Variants in ITPR1 observed in about 807,000 individuals in gnomAD.
ITPR1 encodes the protein inositol 1,4,5-trisphosphate-gated calcium channel ITPR1.
ITPR1 carries 96 observed loss-of-function variants against 318.4 expected under a neutral mutation model. The observed-to-expected ratio is 0.30, with a 90% CI of 0.26 to 0.36. The LOEUF (loss-of-function observed/expected upper bound fraction) is 0.36, where lower values mean the gene tolerates loss of function less well. ITPR1 is among the 10% of genes least tolerant of loss of function. The pLI is 1.00. For missense variants in ITPR1, 2,440 were observed against 3,460.2 expected, an observed-to-expected ratio of 0.71 and a Z score of 7.40; for synonymous variants, 1,312 against 1,289.9, an observed-to-expected ratio of 1.02 and a Z score of -0.37.
intron 60 of ITPR1, chr3:4,830,855 C>T: frequency 4.5e-6 from 2 of 446,066 alleles, no homozygotes; most frequent in Non-Finnish European, 9.0e-6. Context: ...GCCCTCAAGC[C>T]CCCCTCACCC....
At chr3:4,664,580 T>G (rs2093906538) in intron 16 of ITPR1, among the ~76,000 whole-genome samples, 2 of 152,240 alleles carry the variant, frequency 1.3e-5, no homozygotes, top group Non-Finnish European at 2.9e-5. Flanking sequence ...CCAGCTGTTG[T>G]TTCATGTGAT....
At chr3:4,780,467 C>G (rs2046754917) in intron 49 of ITPR1, among the ~76,000 whole-genome samples, 1 of 152,134 alleles carries the variant, frequency 6.6e-6, no homozygotes, top group South Asian at 2.1e-4. Flanking sequence ...GAGAGTGTTG[C>G]AGGCTGTGAG....
chr3:4,807,773 A>C (rs1467002709), intron 55 of ITPR1, among the ~76,000 whole-genome samples: 3 of 152,152 alleles, frequency 2.0e-5, no homozygotes, highest in African/African-American at 7.2e-5. Flanking sequence ...TATGTCGCCT[A>C]TTTTGGTCAC....
intron 5 of ITPR1, 100 bp from the exon 6 acceptor site, chr3:4,639,284 G>T (rs1036212900): frequency 1.1e-6 from 1 of 876,540 alleles, no homozygotes; most frequent in Non-Finnish European, 1.8e-6. Flanking sequence ...GCGTATTTCG[G>T]TGGTTCTTGT....
intron 10 of ITPR1, among the ~76,000 whole-genome samples, chr3:4,647,420 G>C (rs1480020674): frequency 2.6e-5 from 4 of 152,262 alleles, no homozygotes; most frequent in African/African-American, 9.6e-5. Flanking sequence ...TAAATACCTA[G>C]CAGTGGATTG....
chr3:4,683,755 C>T lies in ITPR1; in HGVS notation c.3455C>T (p.Thr1152Ile). ...TACAAAGGGCAGGGCCCCGATGAGA[C>T]TATGGATGGTGCATCTGGAGAAAAT... ...WVYKGQGPDE[T>I]MDGASGENEH... Residue 1152 changes from threonine (T) to isoleucine (I), a missense_variant, in exon 28 of 62, where the codon ACT becomes ATT. Physicochemically the swap from Thr to Ile is moderately conservative, Grantham distance 89. This residue lies in a region of ITPR1 where 86 missense variants were observed against 75.6 expected (regional missense o/e 1.14). Coordinates refer to ENST00000649015, the MANE Select transcript of ITPR1 (RefSeq NM_001378452.1). 6.2e-7 allele frequency: 1 copy of T among 1,613,990 alleles called. No individual in the cohort carries two copies. Among genetic ancestry groups the T allele is most frequent in the Non-Finnish European group, 8.5e-7 (1 of 1,179,862 alleles).
chr3:4,555,024 G>A (rs1173752780), intron 4 of ITPR1, among the ~76,000 whole-genome samples: 1 of 152,132 alleles, frequency 6.6e-6, no homozygotes, highest in South Asian at 2.1e-4. Context: ...AACTGTACCC[G>A]CGGAATGTGT....
At chr3:4,802,593 C>CG (rs2048303031) in intron 54 of ITPR1, among the ~76,000 whole-genome samples, 1 of 152,004 alleles carries the variant, frequency 6.6e-6, no homozygotes, top group Admixed American at 6.6e-5. Flanking sequence ...GAGGCCAAGG[C>CG]GGGAAAATTG....
At chr3:4,760,651 C>G (rs1456713166) in intron 44 of ITPR1, among the ~76,000 whole-genome samples, 1 of 152,194 alleles carries the variant, frequency 6.6e-6, no homozygotes, top group African/African-American at 2.4e-5. Flanking sequence ...GCCAGCGCTC[C>G]TTTCTGGAGG....
At chr3:4,728,599 A>T (rs1025722259) in intron 42 of ITPR1, among the ~76,000 whole-genome samples, 1 of 152,168 alleles carries the variant, frequency 6.6e-6, no homozygotes, top group African/African-American at 2.4e-5. Context: ...AAACAATCCA[A>T]TTACACTCTT....
rs1159521000 is a variant in ITPR1, at chr3:4,733,326, G to A, written c.5353+106G>A. ...AAATGCTCACAACAGATGAATTTGT[G>A]TTGCAGGTGTATTTTTTAGCAACTT... On this transcript the variant is annotated intron_variant, in intron 43 of 61. Coordinates refer to ENST00000649015, the MANE Select transcript of ITPR1 (RefSeq NM_001378452.1). 3 of 1,327,656 alleles carry A rather than the reference G, an allele frequency of 2.3e-6. No individual in the cohort carries two copies. The East Asian group carries it at 7.1e-5, about 31-fold the overall frequency. The allele number at this position is 1,327,656 out of a possible 1,614,324, so 82.2% of individuals were successfully genotyped here. A position where few individuals can be genotyped will look rare whatever the true frequency, so the allele number is the denominator to read the frequency against.
chr3:4,667,499 G>A lies in ITPR1; in HGVS notation c.1836G>A (p.Ala612=), dbSNP rs1253675288. The change falls in exon 18 of 62, where the codon GCG becomes GCA. Residue 612 remains alanine, a synonymous_variant. Transcript: ENST00000649015. ...AACTCCTGGAAAAACACATTACCGC[G>A]GCAGAGATTGACACATTTGTCAGCC... The part of the protein sequence containing the change: ...NRKLLEKHIT[A]AEIDTFVSLV... 1.5e-5 allele frequency: 24 copies of A among 1,613,602 alleles called. No homozygotes were observed. Among genetic ancestry groups the A allele is most frequent in the Admixed American group, 8.3e-5 (5 of 59,974 alleles).
At chr3:4,781,883 T>TA (rs778100216) in intron 49 of ITPR1, among the ~76,000 whole-genome samples, 25 of 152,232 alleles carry the variant, frequency 1.6e-4, no homozygotes, top group Non-Finnish European at 1.6e-4. Context: ...CTTGGGAGGA[T>TA]AAGGCAGGAG....
At chr3:4,572,624 C>A (rs550185174) in intron 4 of ITPR1, among the ~76,000 whole-genome samples, 2 of 152,208 alleles carry the variant, frequency 1.3e-5, no homozygotes, top group South Asian at 4.1e-4. Context: ...CCATTTTAAC[C>A]ATTTTTAAGT....
chr3:4,784,875 C>T (rs948662774), intron 51 of ITPR1, among the ~76,000 whole-genome samples: 3 of 151,456 alleles, frequency 2.0e-5, no homozygotes, highest in Admixed American at 6.6e-5. Context: ...TCAGCCAGGG[C>T]GACAGAGCAA....
intron 4 of ITPR1, among the ~76,000 whole-genome samples, chr3:4,522,810 C>T (rs1350304992): frequency 1.3e-5 from 2 of 152,200 alleles, no homozygotes; most frequent in Non-Finnish European, 2.9e-5. Context: ...CTCAGGGAGC[C>T]ATCCCTCCTC....
chr3:4,655,889 C>T (rs1366234106), intron 12 of ITPR1, among the ~76,000 whole-genome samples: 1 of 152,180 alleles, frequency 6.6e-6, no homozygotes, highest in Non-Finnish European at 1.5e-5. Context: ...TGCCCGGTGG[C>T]AAGGTGTTAG....
rs576712932 is a variant in ITPR1 at position 4,715,738 on chromosome 3, A to C, written c.5104-1629A>C. Among the ~76,000 whole-genome samples the C allele has an allele frequency of 1.7e-3, 253 of 152,306 alleles. 1 individual carries two copies. Among genetic ancestry groups the C allele is most frequent in the African/African-American group, 5.6e-3 (231 of 41,562 alleles). ...CGTGGTGCCACACTCCTATAATCCC[A>C]GCTATTTGGGAGGCTGAGGCAGGAG... On this transcript the variant is annotated intron_variant, in intron 39 of 61. Coordinates refer to ENST00000649015, the MANE Select transcript of ITPR1 (RefSeq NM_001378452.1).
At chr3:4,733,011 C>G in intron 42 of ITPR1, 77 bp from the exon 43 acceptor site, 3 of 1,418,268 alleles carry the variant, frequency 2.1e-6, no homozygotes, top group Admixed American at 3.9e-5. Flanking sequence ...ACTGAGTACC[C>G]CTGTGTGTTT....
Sources: allele counts gnomAD v4.1 joint callset (sites outside exome capture counted in the v4.1 genomes callset), GRCh38; gene constraint gnomAD v4.1.1; regional missense constraint gnomAD v4.1.1; transcripts MANE v1.5; gene names NCBI Gene and HGNC (gene_info 2026-07-23, HGNC 2026-07-21).